The following RAB3GAP1 variants were observed in gnomAD, a reference collection of about 807,000 sequenced individuals.
RAB3GAP1 encodes rab3 GTPase-activating protein catalytic subunit.
A neutral mutation model predicts 130.7 loss-of-function variants in RAB3GAP1; 86 were observed. The ratio of observed to expected loss-of-function variants is 0.66; its 90% CI spans 0.55 to 0.79. The LOEUF (loss-of-function observed/expected upper bound fraction) is 0.79, where lower values mean the gene tolerates loss of function less well. Ranked by LOEUF, RAB3GAP1 falls within the 30% of genes least tolerant of loss-of-function variation. The probability of loss-of-function intolerance (pLI) is 0.00; values close to 1 mark genes in which losing one functional copy is unlikely to be tolerated. For synonymous variants in RAB3GAP1, 367 were observed against 401.7 expected, an observed-to-expected ratio of 0.91 and a Z score of 1.03; for missense variants, 1,029 against 1,169.4, an observed-to-expected ratio of 0.88 and a Z score of 1.75.
At position 135,130,550 on chromosome 2, in the gene RAB3GAP1, A is replaced by G; in HGVS notation, c.1067-2A>G. ...TTATATTTATTTCTGTTCTTTTTAT[A>G]GAAACTGCTGATATAACTCATGCTT... On this transcript the variant is annotated splice_acceptor_variant, in intron 12 of 23. Coordinates refer to ENST00000264158, the MANE Select transcript of RAB3GAP1 (RefSeq NM_012233.3). LOFTEE classifies it high-confidence loss of function. 6.2e-7 allele frequency: 1 copy of G among 1,610,672 alleles called. No homozygotes were observed. Among genetic ancestry groups the G allele is most frequent in the Non-Finnish European group, 8.5e-7 (1 of 1,177,720 alleles).
intron 3 of RAB3GAP1, among the ~76,000 whole-genome samples, chr2:135,080,088 G>T (rs1038957090): frequency 1.4e-5 from 2 of 138,058 alleles, no homozygotes; most frequent in African/African-American, 2.9e-5. Flanking sequence ...CAGCACTCCC[G>T]CCTGGGCGAC....
At chr2:135,099,316 T>C (rs767064311) in intron 5 of RAB3GAP1, among the ~76,000 whole-genome samples, 2 of 152,162 alleles carry the variant, frequency 1.3e-5, no homozygotes, top group Non-Finnish European at 2.9e-5. Context: ...TAAATTGATA[T>C]GATTTATTTT....
At chr2:135,171,621 TTA>T (rs944236615), downstream of RAB3GAP1, among the ~76,000 whole-genome samples, 64 of 152,178 alleles carry the variant, frequency 4.2e-4, no homozygotes, top group African/African-American at 1.5e-3. Flanking sequence ...CCCTAAGCAT[TTA>T]TGTTTATATT....
chr2:135,168,664 CACT>C lies in RAB3GAP1; in HGVS notation c.2830_2832del (p.Thr944del). ...CTGGCCGGGAATTCATTTTGCGCAC[CACT>C]GTGCCGCGCCCTGCTCCCTACTCCA... On this transcript the variant is annotated inframe_deletion, in exon 24 of 24. Coordinates refer to ENST00000264158, the MANE Select transcript of RAB3GAP1 (RefSeq NM_012233.3). 1 of 1,614,192 alleles carries C rather than the reference CACT, an allele frequency of 6.2e-7. No individual in the cohort carries two copies. The highest frequency in any genetic ancestry group is 8.5e-7 in the Non-Finnish European group (1 of 1,180,026).
downstream of RAB3GAP1, chr2:135,175,600 T>C (rs1692984397): frequency 6.6e-6 from 1 of 152,188 alleles, no homozygotes; most frequent in African/African-American, 2.4e-5. Context: ...TAAATAAAAA[T>C]CTATGTTAAG....
chr2:135,106,735 C>T (rs1231174095), intron 5 of RAB3GAP1, among the ~76,000 whole-genome samples: 1 of 143,380 alleles, frequency 7.0e-6, no homozygotes, highest in Non-Finnish European at 1.5e-5. Flanking sequence ...CGAGAAACAC[C>T]CAAGAATCAT....
chr2:135,113,128 A>T, intron 5 of RAB3GAP1, 23 bp from the exon 6 acceptor site: 2 of 1,613,972 alleles, frequency 1.2e-6, no homozygotes, highest in Non-Finnish European at 1.7e-6. Flanking sequence ...CCCCTGTTTA[A>T]TGCAGTTAAT....
At chr2:135,145,951 G>T (rs550569861) in intron 17 of RAB3GAP1, among the ~76,000 whole-genome samples, 11 of 152,008 alleles carry the variant, frequency 7.2e-5, no homozygotes, top group Admixed American at 7.2e-4. Flanking sequence ...AAAGTACCAG[G>T]TATAGTGAAA....
At chr2:135,123,028 C>T (rs925650324) in intron 8 of RAB3GAP1, among the ~76,000 whole-genome samples, 2 of 152,116 alleles carry the variant, frequency 1.3e-5, no homozygotes, top group Non-Finnish European at 2.9e-5. Context: ...CGTGCCCAGC[C>T]CAAGACAAGT....
At chr2:135,126,045 A>G (rs937224117) in intron 9 of RAB3GAP1, 136 bp from the exon 10 acceptor site, 12 of 667,172 alleles carry the variant, frequency 1.8e-5, no homozygotes, top group Middle Eastern at 7.6e-4. Context: ...TTGCTAAATA[A>G]GTTGTTTCCA....
At chr2:135,107,133 C>T (rs1690651957) in intron 5 of RAB3GAP1, among the ~76,000 whole-genome samples, 1 of 149,646 alleles carries the variant, frequency 6.7e-6, no homozygotes. Context: ...ACCAAGAATT[C>T]TATATCCAGT....
At chr2:135,123,313 CTTA>C (rs1370544821) in intron 8 of RAB3GAP1, among the ~76,000 whole-genome samples, 1 of 152,046 alleles carries the variant, frequency 6.6e-6, no homozygotes, top group Non-Finnish European at 1.5e-5. Context: ...TGTGATCTTT[CTTA>C]TTATAAGCAT....
At chr2:135,126,466 G>A (rs547063394) in intron 10 of RAB3GAP1, 117 bp from the exon 11 acceptor site, 3 of 1,069,596 alleles carry the variant, frequency 2.8e-6, no homozygotes, top group Non-Finnish European at 4.3e-6. Context: ...GTAAGTTTAA[G>A]GGAGGCTAAA....
At chr2:135,094,817 T>A (rs1690245413) in intron 5 of RAB3GAP1, among the ~76,000 whole-genome samples, 1 of 152,244 alleles carries the variant, frequency 6.6e-6, no homozygotes, top group Non-Finnish European at 1.5e-5. Context: ...TTTCTGTGCC[T>A]GGCTTATTTC....
At chr2:135,110,462 A>T (rs1690771370) in intron 5 of RAB3GAP1, among the ~76,000 whole-genome samples, 1 of 152,138 alleles carries the variant, frequency 6.6e-6, no homozygotes, top group Non-Finnish European at 1.5e-5. Context: ...ATTTGTCAGG[A>T]TTTGTGTATT....
chr2:135,058,126 T>G (rs1007416308), intron 3 of RAB3GAP1, 40 bp downstream of exon 3: 4 of 1,515,034 alleles, frequency 2.6e-6, no homozygotes, highest in Non-Finnish European at 3.7e-6. Context: ...GACTATTTAC[T>G]TTGAAACCTC....
intron 3 of RAB3GAP1, among the ~76,000 whole-genome samples, chr2:135,069,643 G>A (rs1689414158): frequency 6.6e-6 from 1 of 152,052 alleles, no homozygotes; most frequent in African/African-American, 2.4e-5. Flanking sequence ...TACTTTTGGG[G>A]CCATGTCATA....
At chr2:135,130,205 T>G in intron 12 of RAB3GAP1, 118 bp downstream of exon 12, 1 of 860,278 alleles carries the variant, frequency 1.2e-6, no homozygotes, top group South Asian at 1.5e-5. Context: ...AATCAAGTTT[T>G]GATGGACTAG....
intron 5 of RAB3GAP1, among the ~76,000 whole-genome samples, chr2:135,103,034 G>GTTTTTTTTTTTT (rs1355666279): frequency 2.0e-5 from 2 of 100,478 alleles, no homozygotes; most frequent in African/African-American, 6.8e-5. Flanking sequence ...TCATTTTTGT[G>GTTTTTTTTTTTT]ATTTTTTTTT....
Sources: allele counts gnomAD v4.1 joint callset (sites outside exome capture counted in the v4.1 genomes callset), GRCh38; gene constraint gnomAD v4.1.1; transcripts MANE v1.5; gene names NCBI Gene and HGNC (gene_info 2026-07-23, HGNC 2026-07-21).